The following TMEM207 variants were observed in gnomAD, a reference collection of about 807,000 sequenced individuals.
TMEM207 encodes transmembrane protein 207.
A neutral mutation model predicts 17.4 loss-of-function variants in TMEM207; 15 were observed. The ratio of observed to expected loss-of-function variants is 0.86; its 90% CI spans 0.58 to 1.33. The LOEUF (loss-of-function observed/expected upper bound fraction) is 1.33, where lower values mean the gene tolerates loss of function less well. Ranked by LOEUF, TMEM207 falls within the 40% of genes most tolerant of loss-of-function variation. TMEM207 has a pLI of 0.00. For missense variants in TMEM207, 205 were observed against 173.8 expected (o/e 1.18, Z -1.01); for synonymous variants, 70 against 65.6 (o/e 1.07, Z -0.33).
At chr3:190,445,312 G>A (rs17446205) in intron 2 of TMEM207, among the ~76,000 whole-genome samples, 14,551 of 152,202 alleles carry the variant, frequency 0.096, 924 homozygotes, top group Non-Finnish European at 0.14. Context: ...CTATTTATCA[G>A]AAGAGGACTA....
chr3:190,432,611 G>A (rs1719714691), intron 4 of TMEM207, among the ~76,000 whole-genome samples: 1 of 152,042 alleles, frequency 6.6e-6, no homozygotes. Flanking sequence ...TGAAACATAG[G>A]GAAATGGCAT....
At chr3:190,434,607 A>G (rs1214204942) in intron 4 of TMEM207, among the ~76,000 whole-genome samples, 1 of 152,194 alleles carries the variant, frequency 6.6e-6, no homozygotes, top group Non-Finnish European at 1.5e-5. Context: ...AGAAAAGAAA[A>G]CATCAAAAAG....
chr3:190,447,871 G>A (rs371108698), intron 1 of TMEM207, 44 bp from the exon 2 acceptor site: 3 of 1,573,534 alleles, frequency 1.9e-6, no homozygotes, highest in Non-Finnish European at 1.7e-6. Flanking sequence ...CATCTCATCA[G>A]TCTAATCCTT....
At chr3:190,433,655 T>C (rs1423910136) in intron 4 of TMEM207, among the ~76,000 whole-genome samples, 1 of 152,182 alleles carries the variant, frequency 6.6e-6, no homozygotes, top group East Asian at 1.9e-4. Context: ...TCACTGTCTG[T>C]GGCTCAATGT....
In TMEM207 at chr3:190,429,728, G is replaced by T. The variant is rs1249677512; in HGVS notation, c.308C>A (p.Thr103Lys). The T allele has an allele frequency of 6.3e-7, 1 of 1,598,468 alleles. No individual in the cohort carries two copies. The highest frequency in any genetic ancestry group is 8.5e-7 in the Non-Finnish European group (1 of 1,173,704). Residue 103 changes from threonine to lysine, a missense_variant, in exon 5 of 5, where the codon ACA becomes AAA. Transcript: ENST00000354905. The stretch of plus-strand genomic sequence containing the variant: ...AACAGTTGGACTCACAGCTGCTTCT[G>T]TCCCTGGAAAGAGAAAGATGAAGAC... ...AVGDLDSIYG[T>K]EAAVSPTVGI...
At chr3:190,442,032 G>C (rs1719947438) in intron 2 of TMEM207, among the ~76,000 whole-genome samples, 1 of 152,184 alleles carries the variant, frequency 6.6e-6, no homozygotes, top group South Asian at 2.1e-4. Context: ...CAAGGAGTTA[G>C]AAGTTGACTC....
In TMEM207 at chr3:190,441,432, C is replaced by T. The variant is rs1227056456; in HGVS notation, c.158+6G>A. 1.9e-6 allele frequency: 3 copies of T among 1,606,272 alleles called. No individual in the cohort carries two copies. Among genetic ancestry groups the T allele is most frequent in the South Asian group, 2.2e-5 (2 of 90,426 alleles). On this transcript the variant is annotated splice_donor_region_variant and intron_variant, in intron 3 of 4. Transcript: ENST00000354905. ...GTCATATAAAACAAATGGAAGATAT[C>T]CTTACCAGATATACCAGCCATTAGG...
intron 2 of TMEM207, among the ~76,000 whole-genome samples, chr3:190,442,997 T>C (rs969224784): frequency 2.6e-5 from 4 of 152,220 alleles, no homozygotes; most frequent in African/African-American, 9.6e-5. Flanking sequence ...CCTTTCATAT[T>C]GTTTGAATTA....
intron 4 of TMEM207, among the ~76,000 whole-genome samples, chr3:190,439,593 A>G (rs1178187064): frequency 6.6e-6 from 1 of 152,104 alleles, no homozygotes; most frequent in Non-Finnish European, 1.5e-5. Flanking sequence ...TTTTCTACTC[A>G]CAGCTAAGGC....
Position 190,429,363 on chromosome 3 carries a change from A to G in TMEM207, c.*232T>C, listed in dbSNP as rs1217594001. 2 of 485,230 alleles carry G rather than the reference A, an allele frequency of 4.1e-6. No homozygotes were observed. The highest frequency in any genetic ancestry group is 5.6e-4 in the Middle Eastern group (1 of 1,772). 30.1% of individuals were successfully genotyped at this position (485,230 alleles called of 1,614,324 possible). A position where few individuals can be genotyped will look rare whatever the true frequency, so the allele number is the denominator to read the frequency against. On this transcript the variant is annotated 3_prime_UTR_variant, in exon 5 of 5. Transcript: ENST00000354905. Reference sequence around the variant, plus strand: ...TGGAGAAGCATTAATTTGGTTGTGTAGCATAAAAGTATGATACAGCAGTGA... The same window carrying G: ...TGGAGAAGCATTAATTTGGTTGTGTGGCATAAAAGTATGATACAGCAGTGA...
At chr3:190,449,284 G>C (rs1720112096) in intron 1 of TMEM207, among the ~76,000 whole-genome samples, 1 of 152,116 alleles carries the variant, frequency 6.6e-6, no homozygotes, top group East Asian at 1.9e-4. Flanking sequence ...AGTCAGAAGG[G>C]GATGCTGGAG....
At chr3:190,437,845 A>C (rs1161534241) in intron 4 of TMEM207, among the ~76,000 whole-genome samples, 1 of 151,292 alleles carries the variant, frequency 6.6e-6, no homozygotes, top group Non-Finnish European at 1.5e-5. Context: ...CTTGGAACCA[A>C]CCCAAATGTC....
Sources: gnomAD v4.1 joint callset for allele counts (sites outside exome capture counted in the v4.1 genomes callset) on GRCh38, gnomAD v4.1.1 for gene constraint, MANE v1.5 for transcripts, NCBI Gene and HGNC (gene_info 2026-07-23, HGNC 2026-07-21) for gene names.